Variants in ORC4 observed in about 807,000 individuals in gnomAD.
ORC4 encodes the protein origin recognition complex, subunit 4 homolog.
ORC4 carries 55 observed loss-of-function variants against 63.9 expected under a neutral mutation model. That is an observed-to-expected ratio of 0.86 (90% CI 0.69 to 1.08). ORC4 has a LOEUF of 1.08. ORC4 is among the 50% of genes least tolerant of loss of function. The probability of loss-of-function intolerance (pLI) is 0.00; values close to 1 mark genes in which losing one functional copy is unlikely to be tolerated. For synonymous variants in ORC4, 150 were observed against 168.5 expected (o/e 0.89, Z 0.85); for missense variants, 511 against 504.4 (o/e 1.01, Z -0.13).
At chr2:147,957,004 T>C (rs1689286129) in intron 6 of ORC4, among the ~76,000 whole-genome samples, 1 of 151,240 alleles carries the variant, frequency 6.6e-6, no homozygotes, top group African/African-American at 2.4e-5. Context: ...AGATGGGGCA[T>C]TTTGAAACTG....
At chr2:147,935,769 G>A in intron 13 of ORC4, 71 bp from the exon 14 acceptor site, 2 of 1,330,934 alleles carry the variant, frequency 1.5e-6, no homozygotes, top group African/African-American at 1.4e-5. Flanking sequence ...CTCTCCCAGA[G>A]AACAGTTAGC....
At chr2:147,993,943 T>C (rs949920797) in intron 1 of ORC4, among the ~76,000 whole-genome samples, 12 of 152,172 alleles carry the variant, frequency 7.9e-5, no homozygotes, top group South Asian at 4.1e-4. Flanking sequence ...TATGCTATGA[T>C]TATGCACGTA....
chr2:147,980,883 G>A (rs183557020), intron 1 of ORC4, among the ~76,000 whole-genome samples: 1 of 152,156 alleles, frequency 6.6e-6, no homozygotes, highest in East Asian at 1.9e-4. Context: ...ATATACAAAG[G>A]AAATGAAATC....
chr2:147,975,016 G>A (rs532567072), intron 2 of ORC4, among the ~76,000 whole-genome samples: 1 of 152,028 alleles, frequency 6.6e-6, no homozygotes, highest in East Asian at 1.9e-4. Flanking sequence ...TACATACAAA[G>A]GTATGTAAAG....
In ORC4 at chr2:147,933,563, A is replaced by G. The variant is rs1687885244; in HGVS notation, c.*1947T>C. The stretch of plus-strand genomic sequence containing the variant: ...TATTGATGGATCTTCTGCAGCTCTT[A>G]TGTAGCCAATGAGACAGATGAGGGC... On this transcript the variant is annotated 3_prime_UTR_variant, in exon 14 of 14. Coordinates refer to ENST00000392857, the MANE Select transcript of ORC4 (RefSeq NM_181741.4). The G allele has an allele frequency of 6.6e-6, 1 of 152,150 alleles. No individual in the cohort carries two copies. Among genetic ancestry groups the G allele is most frequent in the Non-Finnish European group, 1.5e-5 (1 of 67,990 alleles). The allele number at this position is 152,150 out of a possible 1,614,324, so 9.4% of individuals were successfully genotyped here. A position where few individuals can be genotyped will look rare whatever the true frequency, so the allele number is the denominator to read the frequency against.
intron 4 of ORC4, among the ~76,000 whole-genome samples, chr2:147,967,506 C>CA (rs1689961164): frequency 6.7e-6 from 1 of 149,130 alleles, no homozygotes; most frequent in African/African-American, 2.5e-5. Flanking sequence ...ACAAACTACC[C>CA]GAAAAAAAAA....
intron 10 of ORC4, among the ~76,000 whole-genome samples, chr2:147,940,984 T>C (rs1224075352): frequency 1.3e-5 from 2 of 152,164 alleles, no homozygotes; most frequent in Admixed American, 1.3e-4. Context: ...GTCTATACTA[T>C]TAGGTTGGTG....
intron 1 of ORC4, among the ~76,000 whole-genome samples, chr2:147,998,485 C>T (rs575809297): frequency 1.2e-4 from 19 of 152,294 alleles, no homozygotes; most frequent in African/African-American, 4.1e-4. Flanking sequence ...TTCCTTCCCA[C>T]AAGAGTGGGT....
intron 1 of ORC4, among the ~76,000 whole-genome samples, chr2:148,019,231 C>G (rs1257992676): frequency 1.3e-5 from 2 of 152,198 alleles, no homozygotes; most frequent in Non-Finnish European, 2.9e-5. Flanking sequence ...ACGGGGTCCA[C>G]TGCCCAAACT....
At chr2:147,998,754 A>C (rs532826006) in intron 1 of ORC4, among the ~76,000 whole-genome samples, 84 of 152,298 alleles carry the variant, frequency 5.5e-4, no homozygotes, top group African/African-American at 1.9e-3. Context: ...CAATTCCCCT[A>C]TTAATCAAAA....
chr2:148,014,329 T>G (rs1048425695), intron 1 of ORC4, among the ~76,000 whole-genome samples: 23 of 152,224 alleles, frequency 1.5e-4, no homozygotes, highest in Non-Finnish European at 2.6e-4. Flanking sequence ...AAAATAGAAT[T>G]CATGATCTTA....
chr2:147,940,651 T>C (rs1336139036), intron 10 of ORC4, among the ~76,000 whole-genome samples: 1 of 151,970 alleles, frequency 6.6e-6, no homozygotes, highest in Non-Finnish European at 1.5e-5. Flanking sequence ...ATATGTGGTA[T>C]ATATATACTA....
chr2:147,948,012 A>G (rs1688748602), intron 9 of ORC4, 39 bp downstream of exon 9: 1 of 1,527,936 alleles, frequency 6.5e-7, no homozygotes, highest in Non-Finnish European at 9.1e-7. Context: ...TTTAAATCAT[A>G]TAGCAAGGAA....
intron 1 of ORC4, among the ~76,000 whole-genome samples, chr2:148,011,612 T>C (rs751832205): frequency 7.2e-5 from 11 of 152,156 alleles, no homozygotes; most frequent in Non-Finnish European, 1.2e-4. Flanking sequence ...ACAGAAGTCC[T>C]AGCCAGAGTA....
At chr2:148,014,202 A>C (rs181570258) in intron 1 of ORC4, among the ~76,000 whole-genome samples, 3 of 152,336 alleles carry the variant, frequency 2.0e-5, no homozygotes, top group African/African-American at 7.2e-5. Context: ...ACAAAAAATC[A>C]AAATCAAAAA....
At chr2:147,980,717 G>A (rs1487250055) in intron 1 of ORC4, among the ~76,000 whole-genome samples, 2 of 152,150 alleles carry the variant, frequency 1.3e-5, no homozygotes, top group African/African-American at 2.4e-5. Context: ...AAAAGATGAT[G>A]AGTGTTGTTG....
chr2:147,965,450 A>G (rs1689845264), intron 4 of ORC4, among the ~76,000 whole-genome samples: 1 of 152,216 alleles, frequency 6.6e-6, no homozygotes, highest in Admixed American at 6.5e-5. Context: ...AAAATGGAAA[A>G]TAAAAGTGAT....
chr2:147,955,858 T>A (rs1279288217), intron 6 of ORC4, among the ~76,000 whole-genome samples: 1 of 151,930 alleles, frequency 6.6e-6, no homozygotes, highest in African/African-American at 2.4e-5. Flanking sequence ...TGAATTTAAA[T>A]GAGAAACAAA....
At chr2:147,959,665 A>G (rs980306056) in intron 4 of ORC4, among the ~76,000 whole-genome samples, 1 of 152,140 alleles carries the variant, frequency 6.6e-6, no homozygotes, top group Admixed American at 6.5e-5. Context: ...AAAAAAGCAA[A>G]TATGATCCTC....
Sources: gnomAD v4.1 joint callset for allele counts (sites outside exome capture counted in the v4.1 genomes callset) on GRCh38, gnomAD v4.1.1 for gene constraint, MANE v1.5 for transcripts, NCBI Gene and HGNC (gene_info 2026-07-23, HGNC 2026-07-21) for gene names.